Variants in TANC2 observed in about 807,000 individuals in gnomAD.
The protein encoded by TANC2 is protein TANC2.
A neutral mutation model predicts 210.5 loss-of-function variants in TANC2; 26 were observed. That is an observed-to-expected ratio of 0.12 (90% CI 0.09 to 0.17). The LOEUF is 0.17. Among genes scored for constraint, TANC2 ranks in the 10% least tolerant of loss-of-function variants. The pLI, the probability that TANC2 is intolerant of heterozygous loss-of-function variation, is 1.00. For missense variants in TANC2, 2,129 were observed against 2,608.9 expected (o/e 0.82, Z 4.01); for synonymous variants, 931 against 967.1 (o/e 0.96, Z 0.69).
intron 5 of TANC2, among the ~76,000 whole-genome samples, chr17:63,193,778 C>A (rs543450750): frequency 6.6e-6 from 1 of 152,094 alleles, no homozygotes; most frequent in South Asian, 2.1e-4. Context: ...ATTTTGAGTT[C>A]CCTGGCTCAT....
At chr17:63,156,560 T>C (rs1247625952) in intron 5 of TANC2, among the ~76,000 whole-genome samples, 1 of 152,110 alleles carries the variant, frequency 6.6e-6, no homozygotes, top group African/African-American at 2.4e-5. Context: ...AAGTCTAAAG[T>C]AGAGATTAGG....
At chr17:63,374,582 AGAG>A (rs2047370842) in intron 14 of TANC2, among the ~76,000 whole-genome samples, 1 of 152,164 alleles carries the variant, frequency 6.6e-6, no homozygotes, top group South Asian at 2.1e-4. Flanking sequence ...AAGGCTTCAC[AGAG>A]GAGATGATGT....
At chr17:63,220,685 C>A (rs1235910274) in intron 7 of TANC2, among the ~76,000 whole-genome samples, 6 of 113,160 alleles carry the variant, frequency 5.3e-5, no homozygotes, top group Non-Finnish European at 1.0e-4. Context: ...GCCTGGGCAA[C>A]AGAGCAAGAA....
chr17:63,421,358 C>T lies in TANC2; in HGVS notation c.5628C>T (p.Thr1876=). 3.1e-6 allele frequency: 5 copies of T among 1,614,032 alleles called. No homozygotes were observed. The highest frequency in any genetic ancestry group is 4.2e-6 in the Non-Finnish European group (5 of 1,179,884). ...CATCTAGCAATAGTATCTCCTCCAC[C>T]TCCAACCTAACTCCGACCTTCCGGC... Residue 1876 remains threonine, a synonymous_variant, in exon 28 of 28, where the codon ACC becomes ACT. Transcript: ENST00000689528. The surrounding 1 kb of genome is among the most constrained non-coding windows in gnomAD (Gnocchi z 6.9).
intron 5 of TANC2, among the ~76,000 whole-genome samples, chr17:63,169,074 A>G (rs1283782991): frequency 1.3e-5 from 2 of 152,178 alleles, no homozygotes; most frequent in African/African-American, 4.8e-5. Flanking sequence ...AGTTACCTCT[A>G]GTGGTGTTGG....
intron 4 of TANC2, among the ~76,000 whole-genome samples, chr17:63,109,238 A>G (rs751969451): frequency 2.0e-5 from 3 of 151,706 alleles, no homozygotes; most frequent in Admixed American, 6.6e-5. Flanking sequence ...ATAAGCAAAA[A>G]ACTAGTACTT....
intron 4 of TANC2, among the ~76,000 whole-genome samples, chr17:63,142,412 G>A (rs2039321002): frequency 6.6e-6 from 1 of 152,014 alleles, no homozygotes; most frequent in Non-Finnish European, 1.5e-5. Context: ...TGCCCTTATA[G>A]TCCTTTACGT....
intron 11 of TANC2, among the ~76,000 whole-genome samples, chr17:63,333,008 C>CAATA (rs2045910705): frequency 6.6e-6 from 1 of 152,212 alleles, no homozygotes; most frequent in Non-Finnish European, 1.5e-5. Flanking sequence ...TCCTCATGGA[C>CAATA]AATACATCTA....
At chr17:63,026,202 T>C (rs1339421007) in intron 2 of TANC2, among the ~76,000 whole-genome samples, 2 of 152,314 alleles carry the variant, frequency 1.3e-5, no homozygotes, top group East Asian at 3.9e-4. Flanking sequence ...GCGATTATCA[T>C]TATTCATCTT....
intron 2 of TANC2, among the ~76,000 whole-genome samples, chr17:63,017,255 C>T (rs1207871284): frequency 6.6e-6 from 1 of 152,048 alleles, no homozygotes; most frequent in Non-Finnish European, 1.5e-5. Context: ...ATTCATGTTC[C>T]TGGTTCATAA....
At chr17:63,345,067 A>ACTTCCAAC (rs1319452732) in intron 12 of TANC2, among the ~76,000 whole-genome samples, 2 of 152,082 alleles carry the variant, frequency 1.3e-5, no homozygotes, top group African/African-American at 4.8e-5. Context: ...AATGATTCCA[A>ACTTCCAAC]CTTCCAACCC....
At chr17:63,226,039 T>C (rs2042319915) in intron 7 of TANC2, among the ~76,000 whole-genome samples, 1 of 152,216 alleles carries the variant, frequency 6.6e-6, no homozygotes, top group Admixed American at 6.5e-5. Context: ...GAAAATATAG[T>C]AGACTTGCAC....
intron 18 of TANC2, 80 bp from the exon 19 acceptor site, chr17:63,398,741 C>T: frequency 3.3e-6 from 3 of 902,352 alleles, no homozygotes; most frequent in Non-Finnish European, 5.2e-6. Context: ...ATCATCCAAG[C>T]ATCTTCCAAA....
At chr17:63,279,266 T>C (rs1297753167) in intron 9 of TANC2, among the ~76,000 whole-genome samples, 1 of 152,108 alleles carries the variant, frequency 6.6e-6, no homozygotes, top group Non-Finnish European at 1.5e-5. Context: ...GAAGACAGGA[T>C]GAAAGCATGA....
chr17:63,005,549 T>G (rs1375339901), intron 1 of TANC2, among the ~76,000 whole-genome samples: 1 of 152,148 alleles, frequency 6.6e-6, no homozygotes, highest in African/African-American at 2.4e-5. Context: ...AAGTGACATT[T>G]TAACAGTAAG....
chr17:63,052,369 G>A lies in TANC2; in HGVS notation c.68-21574G>A, dbSNP rs73991879. On this transcript the variant is annotated intron_variant, in intron 2 of 27. Coordinates refer to ENST00000689528, the Ensembl canonical transcript of TANC2. ...CTCAACTCTGCTAGACACCCAGCAC[G>A]TACATATTGGCTATAATTTCATTAT... 2.2e-3 allele frequency among the ~76,000 whole-genome samples: 333 copies of A among 152,184 alleles called. 5 individuals are homozygous for A. The highest frequency in any genetic ancestry group is 7.6e-3 in the African/African-American group (315 of 41,538).
At chr17:63,178,287 C>T (rs1046141404) in intron 5 of TANC2, among the ~76,000 whole-genome samples, 2 of 151,952 alleles carry the variant, frequency 1.3e-5, no homozygotes, top group Non-Finnish European at 2.9e-5. Context: ...GAGCCGAGAT[C>T]GCGCCACTGC....
chr17:63,354,971 G>C, exon 14 of TANC2: 2 of 1,613,880 alleles, frequency 1.2e-6, no homozygotes, highest in Non-Finnish European at 1.7e-6. Context: ...CTCATCTCAA[G>C]ACCCTCAGTC....
In TANC2 at chr17:63,235,240, AG is replaced by A. The variant is rs1353902752; in HGVS notation, c.770-2573del. The stretch of plus-strand genomic sequence containing the variant: ...ACTATCCTTGGTTTTTTGTCCCCAA[AG>A]ACCAGCCAAAATGTAGGAATATAAT... On this transcript the variant is annotated intron_variant, in intron 7 of 27. Transcript: ENST00000689528. Among the ~76,000 whole-genome samples the A allele has an allele frequency of 2.0e-5, 3 of 152,088 alleles. No individual in the cohort carries two copies. The East Asian group carries it at 5.8e-4, about 29-fold the overall frequency.
Sources: allele counts gnomAD v4.1 joint callset (sites outside exome capture counted in the v4.1 genomes callset), GRCh38; gene constraint gnomAD v4.1.1; non-coding constraint Gnocchi (gnomAD v3.1); transcripts MANE v1.5; gene names NCBI Gene and HGNC (gene_info 2026-07-23, HGNC 2026-07-21).